The following SORCS2 variants were observed in gnomAD, a reference collection of about 807,000 sequenced individuals.
SORCS2 encodes the protein sortilin related VPS10 domain containing receptor 2.
In SORCS2, 100 loss-of-function variants were observed where a neutral mutation model predicts 141.6. The observed-to-expected ratio is 0.71, with a 90% CI of 0.60 to 0.83. The LOEUF (loss-of-function observed/expected upper bound fraction) is 0.83, where lower values mean the gene tolerates loss of function less well. Among genes scored for constraint, SORCS2 ranks in the 40% least tolerant of loss-of-function variants. The pLI is 0.00. For synonymous variants in SORCS2, 789 were observed against 676.9 expected, an observed-to-expected ratio of 1.17 and a Z score of -2.57; for missense variants, 1,646 against 1,560.2, an observed-to-expected ratio of 1.05 and a Z score of -0.93.
At chr4:7,368,061 T>G (rs937393398) in intron 1 of SORCS2, among the ~76,000 whole-genome samples, 11 of 152,316 alleles carry the variant, frequency 7.2e-5, no homozygotes, top group Admixed American at 7.2e-4. Flanking sequence ...CTCCTTTTTT[T>G]ACAGAGGACT....
At chr4:7,335,721 T>G (rs1192964800) in intron 1 of SORCS2, among the ~76,000 whole-genome samples, 1 of 152,254 alleles carries the variant, frequency 6.6e-6, no homozygotes, top group Non-Finnish European at 1.5e-5. Context: ...CATTTTACCT[T>G]CCAGGAGGTT....
chr4:7,334,840 G>T (rs1197444581), intron 1 of SORCS2, among the ~76,000 whole-genome samples: 1 of 152,152 alleles, frequency 6.6e-6, no homozygotes, highest in Non-Finnish European at 1.5e-5. Flanking sequence ...TAGGATGATA[G>T]GAGTTGGCCT....
chr4:7,623,579 A>G (rs1346472097), intron 3 of SORCS2, among the ~76,000 whole-genome samples: 1 of 151,982 alleles, frequency 6.6e-6, no homozygotes, highest in Non-Finnish European at 1.5e-5. Flanking sequence ...TGTGGCATCC[A>G]GTCCTGCTCC....
intron 2 of SORCS2, among the ~76,000 whole-genome samples, chr4:7,488,444 G>A (rs375895645): frequency 2.0e-5 from 3 of 152,302 alleles, no homozygotes; most frequent in African/African-American, 7.2e-5. Context: ...CCCCATGAGC[G>A]CCGCCTGGCT....
In SORCS2 at chr4:7,269,380, G is replaced by T. The variant is rs369772924; in HGVS notation, c.480+76254G>T. ...AGGTGATGTGTGTTGAGGGTTTAGT[G>T]GTGTCCTCCAAAAAGAGATGTCCGT... On this transcript the variant is annotated intron_variant, in intron 1 of 26. Transcript: ENST00000507866. 7.2e-5 allele frequency among the ~76,000 whole-genome samples: 11 copies of T among 152,322 alleles called. No homozygotes were observed. In the East Asian group the frequency reaches 1.9e-3, roughly 27 times the overall value.
intron 3 of SORCS2, among the ~76,000 whole-genome samples, chr4:7,551,974 C>T (rs73082992): frequency 9.5e-4 from 144 of 152,278 alleles, no homozygotes; most frequent in African/African-American, 3.2e-3. Flanking sequence ...CAAATCATGG[C>T]GTCCTTAATG....
At chr4:7,246,619 T>A (rs539302791) in intron 1 of SORCS2, among the ~76,000 whole-genome samples, 1 of 152,354 alleles carries the variant, frequency 6.6e-6, no homozygotes, top group African/African-American at 2.4e-5. Flanking sequence ...CTGGGGTTTC[T>A]GTTCCCATGT....
intron 1 of SORCS2, among the ~76,000 whole-genome samples, chr4:7,210,256 C>A (rs1213273733): frequency 6.6e-6 from 1 of 152,162 alleles, no homozygotes; most frequent in Non-Finnish European, 1.5e-5. Context: ...GTGCTGAGGG[C>A]TGGGCTTTCT....
intron 2 of SORCS2, among the ~76,000 whole-genome samples, chr4:7,449,503 C>T (rs903879322): frequency 1.3e-5 from 2 of 150,016 alleles, no homozygotes; most frequent in Non-Finnish European, 3.0e-5. Flanking sequence ...GACGTTGTGC[C>T]TCTGGTCTCC....
chr4:7,666,155 G>T (rs376147850), intron 7 of SORCS2, among the ~76,000 whole-genome samples: 131 of 152,240 alleles, frequency 8.6e-4, no homozygotes, highest in African/African-American at 2.8e-3. Context: ...GGCAGGAGCC[G>T]GGCAGTAAAG....
chr4:7,313,919 G>A (rs1384158712), intron 1 of SORCS2, among the ~76,000 whole-genome samples: 2 of 152,176 alleles, frequency 1.3e-5, no homozygotes, highest in African/African-American at 4.8e-5. Context: ...GGCAGGAGTG[G>A]TGGCATCTTC....
intron 1 of SORCS2, among the ~76,000 whole-genome samples, chr4:7,271,493 C>G (rs913318251): frequency 6.6e-6 from 1 of 152,194 alleles, no homozygotes; most frequent in Non-Finnish European, 1.5e-5. Context: ...TATTTTAATC[C>G]CACCTTCACA....
chr4:7,278,560 T>A (rs1210367581), intron 1 of SORCS2, among the ~76,000 whole-genome samples: 3 of 152,172 alleles, frequency 2.0e-5, no homozygotes, highest in African/African-American at 7.2e-5. Context: ...AGGTGCCGGC[T>A]CTGCAGTGGT....
rs570982221 is a variant in SORCS2, at chr4:7,332,999, C to T, written c.481-63289C>T. 2.2e-4 allele frequency among the ~76,000 whole-genome samples: 33 copies of T among 152,352 alleles called. No homozygotes were observed. The South Asian group carries it at 5.0e-3, about 23-fold the overall frequency. ...GAGGAGGGTTAGAATAGGTGTTCCA[C>T]GTGGAAGGCACCTGGCACGGAACAG... On this transcript the variant is annotated intron_variant, in intron 1 of 26. Transcript: ENST00000507866.
chr4:7,595,630 A>G (rs1560413408), intron 3 of SORCS2, among the ~76,000 whole-genome samples: 1 of 151,890 alleles, frequency 6.6e-6, no homozygotes, highest in East Asian at 1.9e-4. Flanking sequence ...TGTGCCAGGA[A>G]CCGGGACAGA....
chr4:7,590,228 C>T (rs182170572), intron 3 of SORCS2, among the ~76,000 whole-genome samples: 46 of 152,302 alleles, frequency 3.0e-4, no homozygotes, highest in Admixed American at 3.0e-3. Context: ...TAAATAATGA[C>T]TAGTTTGAAT....
At chr4:7,609,837 C>A (rs1345983838) in intron 3 of SORCS2, among the ~76,000 whole-genome samples, 1 of 152,214 alleles carries the variant, frequency 6.6e-6, no homozygotes, top group African/African-American at 2.4e-5. Flanking sequence ...AGTGGTCAGC[C>A]CCTCTGCTCA....
chr4:7,444,576 G>A (rs1727873624), intron 2 of SORCS2, among the ~76,000 whole-genome samples: 1 of 152,244 alleles, frequency 6.6e-6, no homozygotes, highest in South Asian at 2.1e-4. Context: ...GGAGCAGAAG[G>A]CGCCACGGTC....
rs572105326 is a variant in SORCS2, at chr4:7,471,601, A to C, written c.549-59929A>C. 7.2e-5 allele frequency among the ~76,000 whole-genome samples: 11 copies of C among 152,348 alleles called. No homozygotes were observed. The East Asian group carries it at 2.1e-3, about 29-fold the overall frequency. On this transcript the variant is annotated intron_variant, in intron 2 of 26. Coordinates refer to ENST00000507866, the MANE Select transcript of SORCS2 (RefSeq NM_020777.3). ...TACCCCGTTCTCGGTTCCTGGACTC[A>C]TCAGAGCAAACTGTCCGGGACACAG...
Sources: allele counts gnomAD v4.1 joint callset (sites outside exome capture counted in the v4.1 genomes callset), GRCh38; gene constraint gnomAD v4.1.1; transcripts MANE v1.5; gene names NCBI Gene and HGNC (gene_info 2026-07-23, HGNC 2026-07-21).